Variants in PODXL2 observed in about 807,000 individuals in gnomAD.
The protein encoded by PODXL2 is podocalyxin-like protein 2.
A neutral mutation model predicts 53.4 loss-of-function variants in PODXL2; 17 were observed. The ratio of observed to expected loss-of-function variants is 0.32; its 90% CI spans 0.22 to 0.48. The LOEUF is 0.48. Among genes scored for constraint, PODXL2 ranks in the 20% least tolerant of loss-of-function variants. The pLI is 0.99. For synonymous variants in PODXL2, 311 were observed against 306.7 expected, an observed-to-expected ratio of 1.01 and a Z score of -0.15; for missense variants, 673 against 760.0, an observed-to-expected ratio of 0.89 and a Z score of 1.35.
At chr3:127,632,956 G>C (rs1257891369) in intron 1 of PODXL2, among the ~76,000 whole-genome samples, 1 of 152,212 alleles carries the variant, frequency 6.6e-6, no homozygotes, top group Non-Finnish European at 1.5e-5. Flanking sequence ...CTGATTGGCA[G>C]TACTACATGA....
At chr3:127,667,742 C>G (rs1392814001) in intron 4 of PODXL2, among the ~76,000 whole-genome samples, 1 of 152,230 alleles carries the variant, frequency 6.6e-6, no homozygotes, top group African/African-American at 2.4e-5. Flanking sequence ...GAGAAAAGGT[C>G]TCCTCACACC....
chr3:127,646,903 T>C (rs969660676), intron 2 of PODXL2, among the ~76,000 whole-genome samples: 2 of 152,148 alleles, frequency 1.3e-5, no homozygotes, highest in Non-Finnish European at 2.9e-5. Context: ...AGGGAGCACA[T>C]TGATGACACA....
chr3:127,658,014 C>T (rs1457238522), intron 2 of PODXL2, among the ~76,000 whole-genome samples: 2 of 152,222 alleles, frequency 1.3e-5, no homozygotes, highest in Non-Finnish European at 2.9e-5. Context: ...TATGCTTCTT[C>T]ATCAGGCTGG....
rs1308170975 is a variant in PODXL2, at chr3:127,668,501, C to A, written c.1267C>A (p.Arg423Ser). The change falls in exon 5 of 8, where the codon CGC becomes AGC. Residue 423 changes from arginine (R) to serine (S), a missense_variant. Physicochemically the swap from Arg to Ser is moderately radical, Grantham distance 110. This residue lies in a region of PODXL2 where 588 missense variants were observed against 668.3 expected (regional missense o/e 0.88). Transcript: ENST00000342480. ...LLALVEEVLP[R>S]HGSGHHGAWH... ...GGCCCTGGTGGAAGAGGTGCTGCCCCGCCATGGCAGTGGCCACCATGGGGC... is the reference window on the plus strand; with the variant it reads ...GGCCCTGGTGGAAGAGGTGCTGCCCAGCCATGGCAGTGGCCACCATGGGGC... 1.3e-6 allele frequency: 2 copies of A among 1,571,416 alleles called. No homozygotes were observed. The highest frequency in any genetic ancestry group is 1.7e-6 in the Non-Finnish European group (2 of 1,159,168).
intron 1 of PODXL2, among the ~76,000 whole-genome samples, chr3:127,631,357 C>G (rs918340359): frequency 3.9e-5 from 6 of 152,156 alleles, no homozygotes; most frequent in African/African-American, 1.4e-4. Flanking sequence ...GGGAGCAGAT[C>G]ACAGGGACTG....
chr3:127,629,379 A>C lies in PODXL2; in HGVS notation c.70+90A>C, dbSNP rs1203060540. ...TCCCCGGGCCGCCAACAAAGGGGCCAGAGTGCGGCGCCGCCGGGAGCGCGC... is the reference window on the plus strand; with the variant it reads ...TCCCCGGGCCGCCAACAAAGGGGCCCGAGTGCGGCGCCGCCGGGAGCGCGC... On this transcript the variant is annotated intron_variant, in intron 1 of 7. Transcript: ENST00000342480. The surrounding 1 kb of genome is among the most constrained non-coding windows in gnomAD (Gnocchi z 6.4). 8 of 967,512 alleles carry C rather than the reference A, an allele frequency of 8.3e-6. No individual in the cohort carries two copies. The African/African-American group carries it at 1.4e-4, about 17-fold the overall frequency. 59.9% of individuals were successfully genotyped at this position (967,512 alleles called of 1,614,324 possible).
At chr3:127,656,734 CA>C (rs71150487) in intron 2 of PODXL2, among the ~76,000 whole-genome samples, 494 of 28,088 alleles carry the variant, frequency 0.018, no homozygotes, top group African/African-American at 0.031. Flanking sequence ...GACTCCATCT[CA>C]AAAAAAAAAA....
At chr3:127,661,979 A>G (rs9862632) in intron 3 of PODXL2, among the ~76,000 whole-genome samples, 2,455 of 152,288 alleles carry the variant, frequency 0.016, 65 homozygotes, top group African/African-American at 0.051. Flanking sequence ...CCCCTTTGAT[A>G]TAGTCCCCTA....
chr3:127,660,251 C>A (rs2074756251), intron 2 of PODXL2, 127 bp from the exon 3 acceptor site: 3 of 1,193,966 alleles, frequency 2.5e-6, no homozygotes, highest in Admixed American at 2.5e-5. Context: ...CCTGGCCTCT[C>A]CATCATGACC....
At chr3:127,654,233 G>A (rs561293769) in intron 2 of PODXL2, among the ~76,000 whole-genome samples, 1 of 152,262 alleles carries the variant, frequency 6.6e-6, no homozygotes, top group South Asian at 2.1e-4. Flanking sequence ...TTATTTTGTA[G>A]ATTGCCCCTC....
intron 7 of PODXL2, 42 bp downstream of exon 7, chr3:127,671,655 A>G (rs1202611132): frequency 1.3e-6 from 2 of 1,583,030 alleles, no homozygotes; most frequent in South Asian, 1.1e-5. Flanking sequence ...AGTTGAGAGG[A>G]GAGTGCCCAT....
chr3:127,661,217 C>T (rs987450104), intron 3 of PODXL2, 58 bp downstream of exon 3: 1 of 1,356,652 alleles, frequency 7.4e-7, no homozygotes. Flanking sequence ...GCCTGGCCAT[C>T]CCCAGGGCTA....
chr3:127,633,190 A>G (rs1276490664), intron 1 of PODXL2, among the ~76,000 whole-genome samples: 2 of 152,194 alleles, frequency 1.3e-5, no homozygotes, highest in East Asian at 3.8e-4. Context: ...GGAAAGGGGT[A>G]TCTTCTAGTT....
chr3:127,660,788 A>G lies in PODXL2; in HGVS notation c.760A>G (p.Thr254Ala). Residue 254 changes from threonine to alanine, a missense_variant, in exon 3 of 8, where the codon ACT becomes GCT. By Grantham distance (58) the Thr-to-Ala change is moderately conservative. Coordinates refer to ENST00000342480, the MANE Select transcript of PODXL2 (RefSeq NM_015720.4). ...GCCTTCAGTCACCCCAACTACAGTG[A>G]CTCCGGGGGACCAGGACTCCACCAG... ...LLPSVTPTTV[T>A]PGDQDSTSQE... 6.2e-7 allele frequency: 1 copy of G among 1,613,982 alleles called. No individual in the cohort carries two copies. The highest frequency in any genetic ancestry group is 8.5e-7 in the Non-Finnish European group (1 of 1,179,972).
intron 1 of PODXL2, among the ~76,000 whole-genome samples, chr3:127,636,169 A>G (rs190656553): frequency 6.6e-6 from 1 of 152,348 alleles, no homozygotes; most frequent in Non-Finnish European, 1.5e-5. Context: ...ACAAAGTCTC[A>G]TTGCAAAGAT....
chr3:127,666,042 C>T (rs866619101), intron 4 of PODXL2: 3 of 389,924 alleles, frequency 7.7e-6, no homozygotes, highest in Middle Eastern at 4.3e-4. Flanking sequence ...CTCTCTAGGG[C>T]ATAGATATAC....
In PODXL2 at chr3:127,662,296, A is replaced by G. The variant is rs1206195250; in HGVS notation, c.1191A>G (p.Thr397=). Residue 397 remains threonine (T), a synonymous_variant, in exon 4 of 8, where the codon ACA becomes ACG. Transcript: ENST00000342480. ...AGKNYIILNM[T]ENIDCEVFRQ... is the part of the protein sequence containing the mutation. ...AAAACTACATCATTCTGAACATGAC[A>G]GAGAACATAGACTGTGTGAGTGCCC... 1.2e-6 allele frequency: 2 copies of G among 1,613,776 alleles called. No individual in the cohort carries two copies. Among genetic ancestry groups the G allele is most frequent in the Admixed American group, 3.3e-5 (2 of 60,014 alleles).
Position 127,662,366 on chromosome 3 carries a change from G to A in PODXL2, c.1206+55G>A, listed in dbSNP as rs1381826723. The A allele has an allele frequency of 6.1e-6, 9 of 1,463,450 alleles. No homozygotes were observed. The East Asian group carries it at 1.9e-4, about 30-fold the overall frequency. The allele number at this position is 1,463,450 out of a possible 1,614,324, so 90.7% of individuals were successfully genotyped here. On this transcript the variant is annotated intron_variant, in intron 4 of 7. Transcript: ENST00000342480. ...GGGAAAGGCTGCAGGCAGTGGACAG[G>A]GTGGGGCAGAGGGCAGGCTGGGGGG... is the stretch of plus-strand genomic sequence containing the variant.
chr3:127,652,533 G>A (rs1362396576), intron 2 of PODXL2, among the ~76,000 whole-genome samples: 1 of 152,176 alleles, frequency 6.6e-6, no homozygotes, highest in Admixed American at 6.5e-5. Context: ...CATGCTCCGA[G>A]GCCCAGCCCG....
Sources: gnomAD v4.1 joint callset for allele counts (sites outside exome capture counted in the v4.1 genomes callset) on GRCh38, gnomAD v4.1.1 for gene constraint, gnomAD v4.1.1 regional missense constraint, Gnocchi (gnomAD v3.1) non-coding constraint, MANE v1.5 for transcripts, NCBI Gene and HGNC (gene_info 2026-07-23, HGNC 2026-07-21) for gene names.